MACIR: variants seen among roughly 807,000 people sequenced by gnomAD.
The protein encoded by MACIR is macrophage immunometabolism regulator.
Under a neutral mutation model 14.3 loss-of-function variants are expected in MACIR, and 4 were observed. The ratio of observed to expected loss-of-function variants is 0.28; its 90% CI spans 0.14 to 0.64. The LOEUF is 0.64. Among genes scored for constraint, MACIR ranks in the 30% least tolerant of loss-of-function variants. The pLI is 0.83. For missense variants in MACIR, 228 were observed against 257.6 expected, an observed-to-expected ratio of 0.89 and a Z score of 0.79; for synonymous variants, 101 against 102.4, an observed-to-expected ratio of 0.99 and a Z score of 0.08.
At chr5:103,263,458 A>G (rs1481209047) in intron 1 of MACIR, among the ~76,000 whole-genome samples, 1 of 152,176 alleles carries the variant, frequency 6.6e-6, no homozygotes, top group Non-Finnish European at 1.5e-5. Flanking sequence ...AGATTTACAC[A>G]TCAGCTCCAG....
intron 1 of MACIR, among the ~76,000 whole-genome samples, chr5:103,263,240 C>CTCCTCCTGCTCTTCCTCCTGCTCT (rs782355077): frequency 1.0e-4 from 15 of 150,402 alleles, no homozygotes; most frequent in African/African-American, 3.5e-4. Flanking sequence ...CTTCCTCCTC[C>CTCCTCCTGCTCTTCCTCCTGCTCT]TCCTCCTGCT....
chr5:103,262,280 A>G (rs114735355), intron 1 of MACIR, among the ~76,000 whole-genome samples: 233 of 118,652 alleles, frequency 2.0e-3, no homozygotes, highest in African/African-American at 8.0e-3. Context: ...GAATAAGTGA[A>G]TATCTAAGTG....
rs1014251099 is a variant in MACIR at position 103,277,803 on chromosome 5, C to T, written c.*1263C>T. ...TTTCTTTTTTCCCTCATTTTTGACT[C>T]TTAAAGGTGCAATTTATTACTGAAT... On this transcript the variant is annotated 3_prime_UTR_variant, in exon 3 of 3. Transcript: ENST00000319933. 6.0e-6 allele frequency: 1 copy of T among 166,816 alleles called. No individual in the cohort carries two copies. The highest frequency in any genetic ancestry group is 1.5e-5 in the Non-Finnish European group (1 of 68,056). 10.3% of individuals were successfully genotyped at this position (166,816 alleles called of 1,614,324 possible).
intron 1 of MACIR, among the ~76,000 whole-genome samples, chr5:103,261,642 CTT>C (rs1414986049): frequency 1.4e-4 from 4 of 28,958 alleles, no homozygotes; most frequent in Admixed American, 9.9e-4. Context: ...TTTTCTTTTT[CTT>C]TCTTTCTTTC....
At chr5:103,261,545 A>G (rs546203701) in intron 1 of MACIR, among the ~76,000 whole-genome samples, 9 of 152,158 alleles carry the variant, frequency 5.9e-5, no homozygotes, top group Admixed American at 4.6e-4. Flanking sequence ...CTATTTTGAA[A>G]GAATTTTTAA....
Position 103,276,722 on chromosome 5 carries a change from G to GC in MACIR, c.*182_*183insC. On this transcript the variant is annotated 3_prime_UTR_variant, in exon 3 of 3. Coordinates refer to ENST00000319933, the MANE Select transcript of MACIR (RefSeq NM_033211.4). ...GGAATGAAATCACAGGTACTTGGGG[G>GC]GGGGATATCATTCTAGAGCACGCAA... 1 of 513,850 alleles carries GC rather than the reference G, an allele frequency of 1.9e-6. No homozygotes were observed. The highest frequency in any genetic ancestry group is 1.9e-5 in the African/African-American group (1 of 51,492). 31.8% of individuals were successfully genotyped at this position (513,850 alleles called of 1,614,324 possible). A position where few individuals can be genotyped will look rare whatever the true frequency, so the allele number is the denominator to read the frequency against.
At chr5:103,261,640 T>C (rs970502627) in intron 1 of MACIR, among the ~76,000 whole-genome samples, 11 of 29,106 alleles carry the variant, frequency 3.8e-4, no homozygotes, top group South Asian at 1.2e-3. Context: ...GTTTTTCTTT[T>C]TCTTTCTTTC....
At chr5:103,264,041 G>A (rs1408728164) in intron 1 of MACIR, among the ~76,000 whole-genome samples, 1 of 152,062 alleles carries the variant, frequency 6.6e-6, no homozygotes, top group Non-Finnish European at 1.5e-5. Flanking sequence ...CACAAATGAG[G>A]CAATAAAGCT....
At chr5:103,266,495 C>A (rs754599986) in intron 2 of MACIR, among the ~76,000 whole-genome samples, 3 of 152,100 alleles carry the variant, frequency 2.0e-5, no homozygotes, top group Non-Finnish European at 4.4e-5. Flanking sequence ...TTTTATCACA[C>A]CCTGAATTTA....
chr5:103,274,103 C>T (rs782707147), intron 2 of MACIR, among the ~76,000 whole-genome samples: 3 of 152,056 alleles, frequency 2.0e-5, no homozygotes, highest in Admixed American at 6.5e-5. Context: ...AGTCAGGTTA[C>T]GTAGGTTGGA....
intron 2 of MACIR, among the ~76,000 whole-genome samples, 158 bp from the exon 3 acceptor site, chr5:103,275,739 G>A (rs560148649): frequency 2.0e-5 from 3 of 152,202 alleles, no homozygotes; most frequent in Non-Finnish European, 4.4e-5. Flanking sequence ...TTTCATGCCC[G>A]CTCTGAAACG....
At chr5:103,264,832 A>G (rs148452331) in intron 1 of MACIR, among the ~76,000 whole-genome samples, 124 of 152,222 alleles carry the variant, frequency 8.1e-4, no homozygotes, top group African/African-American at 2.9e-3. Flanking sequence ...AGGGAAAGTA[A>G]TAAAGTTACA....
At chr5:103,263,885 T>C (rs1258732108) in intron 1 of MACIR, among the ~76,000 whole-genome samples, 1 of 152,164 alleles carries the variant, frequency 6.6e-6, no homozygotes, top group Non-Finnish European at 1.5e-5. Context: ...TCGCATAATT[T>C]ATGATTTTAG....
Position 103,277,455 on chromosome 5 carries a change from G to A in MACIR, c.*915G>A, listed in dbSNP as rs77195280. ...GTAAGTGAATAATAGTTTAATAGAG[G>A]AACTCATGATTTGTACTATTGAATG... On this transcript the variant is annotated 3_prime_UTR_variant, in exon 3 of 3. Transcript: ENST00000319933. The A allele has an allele frequency of 4.8e-3, 803 of 167,078 alleles. 5 individuals are homozygous for A. Among genetic ancestry groups the A allele is most frequent in the Non-Finnish European group, 9.4e-3 (640 of 68,066 alleles). 10.3% of individuals were successfully genotyped at this position (167,078 alleles called of 1,614,324 possible). A position where few individuals can be genotyped will look rare whatever the true frequency, so the allele number is the denominator to read the frequency against.
rs1289950298 is a variant in MACIR, at chr5:103,277,787, T to TC, written c.*1250dup. On this transcript the variant is annotated 3_prime_UTR_variant, in exon 3 of 3. Coordinates refer to ENST00000319933, the MANE Select transcript of MACIR (RefSeq NM_033211.4). Reference sequence around the variant, plus strand: ...TTTTGTAAACGTTCCATTTCTTTTTTCCCTCATTTTTGACTCTTAAAGGTG... The same window carrying TC: ...TTTTGTAAACGTTCCATTTCTTTTTTCCCCTCATTTTTGACTCTTAAAGGTG... The TC allele has an allele frequency of 2.1e-4, 35 of 167,222 alleles. No individual in the cohort carries two copies. The highest frequency in any genetic ancestry group is 8.4e-4 in the African/African-American group (35 of 41,584). 10.4% of individuals were successfully genotyped at this position (167,222 alleles called of 1,614,324 possible). A position where few individuals can be genotyped will look rare whatever the true frequency, so the allele number is the denominator to read the frequency against.
chr5:103,263,370 A>G (rs1048749461), intron 1 of MACIR, among the ~76,000 whole-genome samples: 4 of 151,954 alleles, frequency 2.6e-5, no homozygotes, highest in Non-Finnish European at 5.9e-5. Context: ...TTTATATTCT[A>G]TTTTTGGCTT....
At chr5:103,259,944 T>A (rs185620831) in intron 1 of MACIR, among the ~76,000 whole-genome samples, 1 of 152,250 alleles carries the variant, frequency 6.6e-6, no homozygotes, top group Non-Finnish European at 1.5e-5. Flanking sequence ...GATGGCCCCG[T>A]CCTTTTCCCC....
intron 1 of MACIR, among the ~76,000 whole-genome samples, chr5:103,265,034 A>G (rs1158669106): frequency 6.6e-6 from 1 of 152,088 alleles, no homozygotes; most frequent in African/African-American, 2.4e-5. Context: ...GTGGAAAAGG[A>G]CTTTGGAGGG....
intron 2 of MACIR, among the ~76,000 whole-genome samples, chr5:103,266,826 A>G (rs575512632): frequency 3.3e-5 from 5 of 152,300 alleles, no homozygotes; most frequent in African/African-American, 1.2e-4. Flanking sequence ...GAATGATTCA[A>G]AGGAATGGTA....
Sources: allele counts gnomAD v4.1 joint callset (sites outside exome capture counted in the v4.1 genomes callset), GRCh38; gene constraint gnomAD v4.1.1; transcripts MANE v1.5; gene names NCBI Gene and HGNC (gene_info 2026-07-23, HGNC 2026-07-21).